The following PKD2L2 variants were observed in gnomAD, a reference collection of about 807,000 sequenced individuals.
PKD2L2 encodes the protein polycystin-2-like protein 2.
In PKD2L2, 67 loss-of-function variants were observed where a neutral mutation model predicts 83.9. The ratio of observed to expected loss-of-function variants is 0.80; its 90% CI spans 0.66 to 0.98. The LOEUF is 0.98. Ranked by LOEUF, PKD2L2 falls within the 50% of genes least tolerant of loss-of-function variation. The pLI, the probability that PKD2L2 is intolerant of heterozygous loss-of-function variation, is 0.00. For synonymous variants in PKD2L2, 223 were observed against 237.8 expected, an observed-to-expected ratio of 0.94 and a Z score of 0.57; for missense variants, 632 against 717.2, an observed-to-expected ratio of 0.88 and a Z score of 1.36.
At chr5:137,929,860 G>A (rs932985194) in intron 12 of PKD2L2, among the ~76,000 whole-genome samples, 1 of 151,968 alleles carries the variant, frequency 6.6e-6, no homozygotes, top group African/African-American at 2.4e-5. Context: ...ATAAAAGCAT[G>A]ATCAAAGACC....
chr5:137,938,787 A>G (rs1760857208), intron 14 of PKD2L2: 1 of 152,596 alleles, frequency 6.6e-6, no homozygotes, highest in Admixed American at 6.5e-5. Context: ...TCACCTTATT[A>G]AAGGATGTTG....
rs748306564 is a variant in PKD2L2 at position 137,935,859 on chromosome 5, T to C, written c.1734T>C (p.Ser578=). The C allele has an allele frequency of 6.2e-6, 10 of 1,611,494 alleles. No individual in the cohort carries two copies. In the South Asian group the frequency reaches 7.7e-5, roughly 12 times the overall value. ...WKERLEKKYY[S]MEIQDDYQPV... ...AGAGGCTTGAGAAAAAGTATTATTCTATGGAAATTCAAGATGACTACCAGC... is the reference window on the plus strand; with the variant it reads ...AGAGGCTTGAGAAAAAGTATTATTCCATGGAAATTCAAGATGACTACCAGC... Residue 578 remains serine (S), a synonymous_variant, in exon 13 of 15, where the codon TCT becomes TCC. Transcript: ENST00000508883.
chr5:137,895,986 G>A (rs955920552), intron 4 of PKD2L2, among the ~76,000 whole-genome samples: 5 of 151,822 alleles, frequency 3.3e-5, no homozygotes, highest in African/African-American at 9.7e-5. Context: ...AGACCAGCCT[G>A]GCCAACATGG....
chr5:137,906,843 T>C (rs1757412650), intron 6 of PKD2L2, among the ~76,000 whole-genome samples: 1 of 151,918 alleles, frequency 6.6e-6, no homozygotes, highest in Non-Finnish European at 1.5e-5. Context: ...TTTGAAAAAA[T>C]AGACAAAAGA....
chr5:137,928,568 A>C (rs1394281142), intron 12 of PKD2L2, among the ~76,000 whole-genome samples: 1 of 152,084 alleles, frequency 6.6e-6, no homozygotes, highest in Non-Finnish European at 1.5e-5. Context: ...AGTAGCTGGG[A>C]CTACAGGCAT....
intron 4 of PKD2L2, among the ~76,000 whole-genome samples, chr5:137,895,889 A>G (rs1756418549): frequency 6.6e-6 from 1 of 151,260 alleles, no homozygotes; most frequent in South Asian, 2.1e-4. Flanking sequence ...AAAAAAAAAA[A>G]AAAAAGGCCA....
chr5:137,927,082 T>C (rs1298790802), intron 12 of PKD2L2, among the ~76,000 whole-genome samples: 1 of 152,218 alleles, frequency 6.6e-6, no homozygotes, highest in Non-Finnish European at 1.5e-5. Context: ...AGCATTATGA[T>C]GAATAATGAT....
At chr5:137,940,176 T>C in intron 14 of PKD2L2, 1 of 1,613,610 alleles carries the variant, frequency 6.2e-7, no homozygotes. Context: ...CGATGATAGC[T>C]TCAAGGAATA....
chr5:137,936,755 C>T (rs1760462329), intron 14 of PKD2L2, among the ~76,000 whole-genome samples: 1 of 152,212 alleles, frequency 6.6e-6, no homozygotes, highest in Non-Finnish European at 1.5e-5. Context: ...GCACCCAGCC[C>T]ATTGAGCATT....
At chr5:137,941,920 T>G in intron 14 of PKD2L2, 1 of 1,575,668 alleles carries the variant, frequency 6.3e-7, no homozygotes, top group South Asian at 1.1e-5. Context: ...GAAAGATGAC[T>G]CAATTTTGTG....
At chr5:137,914,485 C>T (rs1419124283) in intron 8 of PKD2L2, among the ~76,000 whole-genome samples, 1 of 152,136 alleles carries the variant, frequency 6.6e-6, no homozygotes, top group Non-Finnish European at 1.5e-5. Flanking sequence ...AAAAATGCTA[C>T]TGTGTGTATC....
intron 5 of PKD2L2, among the ~76,000 whole-genome samples, chr5:137,901,538 T>A (rs191843435): frequency 1.3e-5 from 2 of 152,346 alleles, no homozygotes; most frequent in East Asian, 3.9e-4. Context: ...TTATCAGGAC[T>A]ACCCTTATCT....
At chr5:137,934,424 T>A (rs1198852646) in intron 12 of PKD2L2, among the ~76,000 whole-genome samples, 2 of 152,216 alleles carry the variant, frequency 1.3e-5, no homozygotes, top group Admixed American at 6.5e-5. Context: ...CTTTAGCACA[T>A]TAAAAGTATT....
chr5:137,922,391 T>TATAC (rs1758992684), intron 9 of PKD2L2, among the ~76,000 whole-genome samples: 1 of 152,186 alleles, frequency 6.6e-6, no homozygotes, highest in South Asian at 2.1e-4. Flanking sequence ...GCAGGAGCTG[T>TATAC]AGTAAGACTG....
At chr5:137,889,889 C>G (rs1755798874) in intron 1 of PKD2L2, 2 of 275,212 alleles carry the variant, frequency 7.3e-6, no homozygotes, top group Admixed American at 1.1e-4. Flanking sequence ...TCCCAAGAAG[C>G]TGTATTGAGG....
At chr5:137,915,641 G>A (rs1339557942) in intron 8 of PKD2L2, among the ~76,000 whole-genome samples, 4 of 152,046 alleles carry the variant, frequency 2.6e-5, no homozygotes, top group Non-Finnish European at 4.4e-5. Context: ...AGCTGGTATC[G>A]AACTCCTGAC....
chr5:137,896,074 G>A (rs1357277409), intron 4 of PKD2L2, among the ~76,000 whole-genome samples: 2 of 151,888 alleles, frequency 1.3e-5, no homozygotes, highest in African/African-American at 4.8e-5. Context: ...CTACTTGGGA[G>A]GCTGAGACAG....
rs1449071379 is a variant in PKD2L2, at chr5:137,908,814, C to CAG, written c.1196_1197insAG (p.Leu400AlafsTer9). 12 of 1,597,564 alleles carry CAG rather than the reference C, an allele frequency of 7.5e-6. No individual in the cohort carries two copies. Among genetic ancestry groups the CAG allele is most frequent in the Non-Finnish European group, 1.7e-6 (2 of 1,167,632 alleles). The stretch of plus-strand genomic sequence containing the variant: ...AAGACAATGTCTCAGCTGTCATCAA[C>CAG]CTTGTCCCGTTGTGTTAAAGACATA... On this transcript the variant is annotated frameshift_variant, in exon 8 of 15. Coordinates refer to ENST00000508883, the MANE Select transcript of PKD2L2 (RefSeq NM_001300921.2). LOFTEE classifies it high-confidence loss of function.
chr5:137,939,828 C>A (rs1761120924), intron 14 of PKD2L2: 2 of 1,267,334 alleles, frequency 1.6e-6, no homozygotes. Flanking sequence ...CAGAAGAATT[C>A]AGTATGAAGA....
Sources: gnomAD v4.1 joint callset for allele counts (sites outside exome capture counted in the v4.1 genomes callset) on GRCh38, gnomAD v4.1.1 for gene constraint, MANE v1.5 for transcripts, NCBI Gene and HGNC (gene_info 2026-07-23, HGNC 2026-07-21) for gene names.